SPTLC2: variants seen among roughly 807,000 people sequenced by gnomAD.
SPTLC2 encodes serine palmitoyltransferase long chain base subunit 2.
In SPTLC2, 21 loss-of-function variants were observed where a neutral mutation model predicts 62.0. The observed-to-expected ratio is 0.34, with a 90% CI of 0.24 to 0.49. SPTLC2 has a LOEUF of 0.49. Among genes scored for constraint, SPTLC2 ranks in the 20% least tolerant of loss-of-function variants. The pLI is 0.99. For missense variants in SPTLC2, 511 were observed against 713.0 expected (o/e 0.72, Z 3.23); for synonymous variants, 261 against 261.8 (o/e 1.00, Z 0.03).
chr14:77,528,755 T>C (rs1395351633), intron 9 of SPTLC2, among the ~76,000 whole-genome samples: 2 of 152,240 alleles, frequency 1.3e-5, no homozygotes, highest in Non-Finnish European at 2.9e-5. Flanking sequence ...ATCTCTTTCA[T>C]TTAACAATTT....
chr14:77,568,824 A>AAAG (rs1555376058), intron 5 of SPTLC2, among the ~76,000 whole-genome samples: 420 of 145,312 alleles, frequency 2.9e-3, no homozygotes, highest in Middle Eastern at 7.1e-3. Context: ...AAAAAAAAAA[A>AAAG]AGAGAGAGGG....
chr14:77,525,024 A>C lies in SPTLC2; in HGVS notation c.1304-3443T>G, dbSNP rs148315096. 3.8e-3 allele frequency among the ~76,000 whole-genome samples: 579 copies of C among 152,160 alleles called. 3 individuals carry two copies. Among genetic ancestry groups the C allele is most frequent in the African/African-American group, 0.013 (552 of 41,402 alleles). On this transcript the variant is annotated intron_variant, in intron 9 of 11. Coordinates refer to ENST00000216484, the MANE Select transcript of SPTLC2 (RefSeq NM_004863.4). Reference sequence around the variant, plus strand: ...AATGTTCTAAACACACAGAAATGATAATGTTTGCGGTGACACATATCCAAA... The same window carrying C: ...AATGTTCTAAACACACAGAAATGATCATGTTTGCGGTGACACATATCCAAA...
intron 2 of SPTLC2, among the ~76,000 whole-genome samples, chr14:77,587,659 C>T (rs1206470074): frequency 2.0e-5 from 3 of 151,708 alleles, no homozygotes; most frequent in Admixed American, 6.6e-5. Flanking sequence ...CCCAGCTACT[C>T]GGAAGGCTGA....
Position 77,506,498 on chromosome 14 carries a change from A to G in SPTLC2, c.*5786T>C, listed in dbSNP as rs547787052. On this transcript the variant is annotated 3_prime_UTR_variant, in exon 12 of 12. Transcript: ENST00000216484. ...ATCATCAAGACTGTGTGGACATGCT[A>G]GCTGAATTGACAGGGTGGGTTCCAG... 1 of 152,312 alleles carries G rather than the reference A, an allele frequency of 6.6e-6. No homozygotes were observed. The highest frequency in any genetic ancestry group is 1.9e-4 in the East Asian group (1 of 5,186). The allele number at this position is 152,312 out of a possible 1,614,324, so 9.4% of individuals were successfully genotyped here. A position where few individuals can be genotyped will look rare whatever the true frequency, so the allele number is the denominator to read the frequency against.
intron 9 of SPTLC2, chr14:77,547,897 T>C (rs1231046675): frequency 7.1e-6 from 1 of 141,126 alleles, no homozygotes; most frequent in Non-Finnish European, 1.6e-5. Context: ...TTTTTTTTTT[T>C]TTTTAAGTGT....
In SPTLC2 at chr14:77,560,971, T is replaced by C. The variant is rs938662809; in HGVS notation, c.850+1425A>G. Among the ~76,000 whole-genome samples, 5 of 149,454 alleles carry C rather than the reference T, an allele frequency of 3.3e-5. No homozygotes were observed. The East Asian group carries it at 9.8e-4, about 29-fold the overall frequency. ...AATCTGTACACAAACCCCCGAGACA[T>C]GCAATTTACCTATATAACAAACCTG... On this transcript the variant is annotated intron_variant, in intron 6 of 11. Coordinates refer to ENST00000216484, the MANE Select transcript of SPTLC2 (RefSeq NM_004863.4).
chr14:77,570,236 A>AAAG, intron 5 of SPTLC2, 148 bp downstream of exon 5: 1 of 1,167,218 alleles, frequency 8.6e-7, no homozygotes. Context: ...AAAAAAAAAA[A>AAAG]AAAAGAAAAA....
chr14:77,577,829 G>C (rs1287337995), intron 3 of SPTLC2, among the ~76,000 whole-genome samples: 3 of 152,198 alleles, frequency 2.0e-5, no homozygotes, highest in South Asian at 2.1e-4. Context: ...GAACCCAGGA[G>C]GCAGAGCTTG....
intron 11 of SPTLC2, among the ~76,000 whole-genome samples, chr14:77,515,721 T>C (rs1338337328): frequency 1.3e-5 from 2 of 151,992 alleles, no homozygotes; most frequent in Non-Finnish European, 2.9e-5. Flanking sequence ...GGCTAATTTT[T>C]TGTATTTTCA....
chr14:77,564,203 G>A (rs2140028024), intron 5 of SPTLC2, among the ~76,000 whole-genome samples: 1 of 140,584 alleles, frequency 7.1e-6, no homozygotes, highest in South Asian at 2.3e-4. Context: ...CTGCACTCCA[G>A]CCTGGGCAAC....
chr14:77,614,902 T>G (rs1566796551), intron 1 of SPTLC2, among the ~76,000 whole-genome samples: 2 of 148,394 alleles, frequency 1.3e-5, no homozygotes, highest in Non-Finnish European at 3.0e-5. Context: ...ACCCAGGGGG[T>G]GGAGGCTGCA....
chr14:77,569,434 C>A (rs545248226), intron 5 of SPTLC2, among the ~76,000 whole-genome samples: 1 of 152,236 alleles, frequency 6.6e-6, no homozygotes, highest in South Asian at 2.1e-4. Context: ...GACCCATACA[C>A]TGCATAACTA....
intron 11 of SPTLC2, among the ~76,000 whole-genome samples, chr14:77,517,018 AG>A (rs2079362647): frequency 6.6e-6 from 1 of 152,218 alleles, no homozygotes; most frequent in Admixed American, 6.5e-5. Context: ...AGGCTGAGGC[AG>A]GCGGATCACC....
chr14:77,597,289 T>C lies in SPTLC2; in HGVS notation c.224A>G (p.Tyr75Cys). 6.2e-7 allele frequency: 1 copy of C among 1,614,208 alleles called. No individual in the cohort carries two copies. The change falls in exon 2 of 12, where the codon TAT becomes TGT. Residue 75 changes from tyrosine (Y) to cysteine (C), a missense_variant. Coordinates refer to ENST00000216484, the MANE Select transcript of SPTLC2 (RefSeq NM_004863.4). ...GAGGGTGAGTACGCCATACCCCACATACGTGAGCACAGCAACCAGCATTGG... is the reference window on the plus strand; with the variant it reads ...GAGGGTGAGTACGCCATACCCCACACACGTGAGCACAGCAACCAGCATTGG... ...ETPMLVAVLT[Y>C]VGYGVLTLFG...
chr14:77,535,929 A>G (rs1308938539), intron 9 of SPTLC2: 1 of 455,096 alleles, frequency 2.2e-6, no homozygotes, highest in Non-Finnish European at 4.4e-6. Flanking sequence ...ACTGGTGACT[A>G]AATACAGGGG....
intron 5 of SPTLC2, among the ~76,000 whole-genome samples, chr14:77,566,270 T>C (rs1424882806): frequency 6.6e-6 from 1 of 152,222 alleles, no homozygotes; most frequent in Non-Finnish European, 1.5e-5. Flanking sequence ...ATTAAATCTT[T>C]GGTTCAAAAA....
At chr14:77,556,714 T>G (rs2079585957) in intron 7 of SPTLC2, among the ~76,000 whole-genome samples, 2 of 134,914 alleles carry the variant, frequency 1.5e-5, no homozygotes, top group South Asian at 4.9e-4. Flanking sequence ...TTTATTAAAA[T>G]TAAATGGTGT....
At chr14:77,559,302 G>T (rs1302425418) in intron 6 of SPTLC2, among the ~76,000 whole-genome samples, 2 of 152,084 alleles carry the variant, frequency 1.3e-5, no homozygotes, top group African/African-American at 4.8e-5. Flanking sequence ...CAGCCTGGGT[G>T]ACAGAGCAAG....
chr14:77,568,884 A>G (rs957441165), intron 5 of SPTLC2, among the ~76,000 whole-genome samples: 1 of 151,514 alleles, frequency 6.6e-6, no homozygotes. Flanking sequence ...TTTTAGTTTC[A>G]TCAATTTCTG....
Sources: allele counts gnomAD v4.1 joint callset (sites outside exome capture counted in the v4.1 genomes callset), GRCh38; gene constraint gnomAD v4.1.1; transcripts MANE v1.5; gene names NCBI Gene and HGNC (gene_info 2026-07-23, HGNC 2026-07-21).